Variants in MCM7 observed in about 807,000 individuals in gnomAD.
The protein encoded by MCM7 is minichromosome maintenance complex component 7, also known as DNA replication licensing factor MCM7.
MCM7 carries 95 observed loss-of-function variants against 83.5 expected under a neutral mutation model. The ratio of observed to expected loss-of-function variants is 1.14; its 90% CI spans 0.96 to 1.35. The LOEUF is 1.35. Ranked by LOEUF, MCM7 falls within the 40% of genes most tolerant of loss-of-function variation. The pLI, the probability that MCM7 is intolerant of heterozygous loss-of-function variation, is 0.00. For synonymous variants in MCM7, 461 were observed against 352.7 expected (o/e 1.31, Z -3.44); for missense variants, 1,087 against 957.4 (o/e 1.14, Z -1.79).
At chr7:100,098,370 G>C in intron 6 of MCM7, 80 bp from the exon 7 acceptor site, 1 of 1,547,284 alleles carries the variant, frequency 6.5e-7, no homozygotes, top group Admixed American at 1.8e-5. Context: ...CCACTCAAAG[G>C]CTCCCAGGCT....
chr7:100,099,982 T>C, intron 2 of MCM7, 32 bp downstream of exon 2: 2 of 1,589,562 alleles, frequency 1.3e-6, no homozygotes, highest in South Asian at 1.1e-5. Flanking sequence ...AGCACCCCGC[T>C]CCCCATTCCC....
rs746298692 is a variant in MCM7, at chr7:100,094,234, T to G, written c.1787A>C (p.Lys596Thr). Reference protein sequence around the residue: ...VEMRREAWASKDATYTSARTL... With the variant: ...VEMRREAWASTDATYTSARTL... Reference sequence around the variant, plus strand: ...CCGGGCAGAAGTATAGGTGGCATCCTTACTAGCCCAAGCCTCTCGCCTCAT... The same window carrying G: ...CCGGGCAGAAGTATAGGTGGCATCCGTACTAGCCCAAGCCTCTCGCCTCAT... Residue 596 changes from lysine (K) to threonine (T), a missense_variant, in exon 13 of 15, where the codon AAG (lysine) becomes ACG (threonine). Coordinates refer to ENST00000303887, the MANE Select transcript of MCM7 (RefSeq NM_005916.5). 1 of 1,614,216 alleles carries G rather than the reference T, an allele frequency of 6.2e-7. No homozygotes were observed. The highest frequency in any genetic ancestry group is 2.2e-5 in the East Asian group (1 of 44,890).
rs777934042 is a variant in MCM7, at chr7:100,099,632, G to A, written c.233C>T (p.Ala78Val). The change falls in exon 3 of 15, where the codon GCT (alanine) becomes GTT (valine). Residue 78 changes from alanine to valine, a missense_variant. Ala to Val is a moderately conservative substitution (Grantham distance 64). Transcript: ENST00000303887. ...ENARRYAKLF[A>V]DAVQELLPQY... ...AGGCAGCAGCTCTTGTACGGCATCA[G>A]CAAAGAGCTTCGCGTAGCGCCTGGC... is the stretch of plus-strand genomic sequence containing the variant. 2 of 1,614,118 alleles carry A rather than the reference G, an allele frequency of 1.2e-6. No individual in the cohort carries two copies. Among genetic ancestry groups the A allele is most frequent in the Non-Finnish European group, 1.7e-6 (2 of 1,180,054 alleles).
At chr7:100,098,835 G>A (rs1795781032) in intron 5 of MCM7, 120 bp from the exon 6 acceptor site, 3 of 1,424,192 alleles carry the variant, frequency 2.1e-6, no homozygotes, top group Admixed American at 2.1e-5. Flanking sequence ...AGAACCCTCT[G>A]AACTTACTCT....
rs780006119 is a variant in MCM7 at position 100,095,369 on chromosome 7, C to G, written c.1679+18G>C. 2 of 1,607,128 alleles carry G rather than the reference C, an allele frequency of 1.2e-6. No homozygotes were observed. The highest frequency in any genetic ancestry group is 1.7e-6 in the Non-Finnish European group (2 of 1,177,188). On this transcript the variant is annotated intron_variant, in intron 12 of 14. Coordinates refer to ENST00000303887, the MANE Select transcript of MCM7 (RefSeq NM_005916.5). ...CGGCCCACGCCAACGTTTGCCCACCCGCACCCAGCTCTCCTACCTCATGAG... is the reference window on the plus strand; with the variant it reads ...CGGCCCACGCCAACGTTTGCCCACCGGCACCCAGCTCTCCTACCTCATGAG...
intron 2 of MCM7, 41 bp from the exon 3 acceptor site, chr7:100,099,794 C>G (rs1795852504): frequency 3.1e-6 from 5 of 1,607,930 alleles, no homozygotes; most frequent in Non-Finnish European, 2.5e-6. Context: ...GAGCCACATT[C>G]ACTTTGCTCA....
rs1795381529 is a variant in MCM7 at position 100,092,784 on chromosome 7, A to G, written c.*148T>C. 1 of 807,860 alleles carries G rather than the reference A, an allele frequency of 1.2e-6. No homozygotes were observed. Among genetic ancestry groups the G allele is most frequent in the Non-Finnish European group, 2.0e-6 (1 of 510,522 alleles). 50.0% of individuals were successfully genotyped at this position (807,860 alleles called of 1,614,324 possible). A position where few individuals can be genotyped will look rare whatever the true frequency, so the allele number is the denominator to read the frequency against. ...AGTCAGGCCCAGGCTAGAAGATGAC[A>G]ATCTACAAACACTTTTATTAGCAAA... On this transcript the variant is annotated 3_prime_UTR_variant, in exon 15 of 15. Coordinates refer to ENST00000303887, the MANE Select transcript of MCM7 (RefSeq NM_005916.5).
At position 100,095,481 on chromosome 7, in the gene MCM7, G is replaced by A. The variant is rs374609144; in HGVS notation, c.1596-11C>T. The A allele has an allele frequency of 3.1e-6, 5 of 1,613,346 alleles. No individual in the cohort carries two copies. In the African/African-American group the frequency reaches 4.0e-5, roughly 13 times the overall value. The stretch of plus-strand genomic sequence containing the variant: ...ATGTGCTGGGCCAACCTGGACAGAG[G>A]GAAGGTTAGAAGGAACACCCTTTTT... On this transcript the variant is annotated splice_polypyrimidine_tract_variant and intron_variant, in intron 11 of 14. Transcript: ENST00000303887.
rs2116555710 is a variant in MCM7, at chr7:100,094,183, G to A, written c.1838C>T (p.Ser613Phe). Reference sequence around the variant, plus strand: ...AATTTGGGCACTTACCAGAGCAGTGGAAAGGCGCAGGATAGCCAGCAGGGT... The same window carrying A: ...AATTTGGGCACTTACCAGAGCAGTGAAAAGGCGCAGGATAGCCAGCAGGGT... Reference protein sequence around the residue: ...ARTLLAILRLSTALARLRMVD... With the variant: ...ARTLLAILRLFTALARLRMVD... Residue 613 changes from serine (S) to phenylalanine (F), a missense_variant, in exon 13 of 15, where the codon TCC (serine) becomes TTC (phenylalanine). Ser to Phe is a radical substitution (Grantham distance 155). Transcript: ENST00000303887. 1 of 1,614,208 alleles carries A rather than the reference G, an allele frequency of 6.2e-7. No homozygotes were observed. Among genetic ancestry groups the A allele is most frequent in the Non-Finnish European group, 8.5e-7 (1 of 1,180,028 alleles).
chr7:100,095,089 G>C (rs892128338), intron 12 of MCM7, among the ~76,000 whole-genome samples: 1 of 152,186 alleles, frequency 6.6e-6, no homozygotes, highest in Non-Finnish European at 1.5e-5. Context: ...TGAGGCAGGA[G>C]AATCGCTTGA....
chr7:100,093,235 G>C lies in MCM7; in HGVS notation c.1958+57C>G. On this transcript the variant is annotated intron_variant, in intron 14 of 14. Transcript: ENST00000303887. Reference sequence around the variant, plus strand: ...AGTGTTAGAATTGAGGCCAACCTCAGACACATGGCCACAGAAGACAAAGTG... The same window carrying C: ...AGTGTTAGAATTGAGGCCAACCTCACACACATGGCCACAGAAGACAAAGTG... 3.1e-6 allele frequency: 5 copies of C among 1,590,480 alleles called. No individual in the cohort carries two copies. In the South Asian group the frequency reaches 5.5e-5, roughly 18 times the overall value.
rs1183769095 is a variant in MCM7, at chr7:100,101,383, C to G, written c.-89G>C. ...GAATCTCCGCGCGGTGGACTGTGGC[C>G]GGCCAACCGAAATTGGCGCGAAACG... On this transcript the variant is annotated 5_prime_UTR_variant, in exon 1 of 15. Transcript: ENST00000303887. 1.3e-5 allele frequency: 21 copies of G among 1,571,820 alleles called. 2 individuals carry two copies. In the Middle Eastern group the frequency reaches 1.3e-3, roughly 100 times the overall value.
chr7:100,093,672 G>A (rs756808891), intron 13 of MCM7: 1 of 719,104 alleles, frequency 1.4e-6, no homozygotes, highest in African/African-American at 1.7e-5. Context: ...TCCTGTGAGG[G>A]AGACCAGACC....
chr7:100,093,455 G>A, intron 13 of MCM7, 54 bp from the exon 14 acceptor site: 2 of 1,512,290 alleles, frequency 1.3e-6, no homozygotes, highest in Non-Finnish European at 1.8e-6. Context: ...AGTGGAACGA[G>A]GTCAGGGGAC....
rs1272200166 is a variant in MCM7 at position 100,095,852 on chromosome 7, T to C, written c.1517A>G (p.Gln506Arg). The C allele has an allele frequency of 6.2e-7, 1 of 1,612,654 alleles. No homozygotes were observed. Among genetic ancestry groups the C allele is most frequent in the Non-Finnish European group, 8.5e-7 (1 of 1,179,846 alleles). The change falls in exon 11 of 15, where the codon CAG becomes CGG. Residue 506 changes from glutamine to arginine, a missense_variant. Coordinates refer to ENST00000303887, the MANE Select transcript of MCM7 (RefSeq NM_005916.5). The stretch of plus-strand genomic sequence containing the variant: ...CCGGGAGAGCAGTGCAGCAGGTAGC[T>C]GTATGTTCTGCTCCAGGCTGCGGCG... ...NPRRSLEQNIQLPAALLSRFD... is the reference protein window; with the variant it reads ...NPRRSLEQNIRLPAALLSRFD...
At chr7:100,099,933 T>G in intron 2 of MCM7, 81 bp downstream of exon 2, 1 of 1,468,846 alleles carries the variant, frequency 6.8e-7, no homozygotes, top group East Asian at 2.3e-5. Context: ...TTGTTATGTC[T>G]TTAATAAAAC....
chr7:100,093,427 T>TGGGAACGGGAGGA, intron 13 of MCM7, 26 bp from the exon 14 acceptor site: 1 of 1,605,062 alleles, frequency 6.2e-7, no homozygotes, highest in Non-Finnish European at 8.5e-7. Flanking sequence ...GGGGGAAAGA[T>TGGGAACGGGAGGA]GGGAACGGGA....
rs369472513 is a variant in MCM7, at chr7:100,101,270, C to G, written c.25G>C (p.Glu9Gln). The part of the protein sequence containing the change: MALKDYAL[E>Q]KEKVKKFLQE... ...CGGGCTCGTAGACCCGTACCCTTCT[C>G]TAGCGCGTAGTCCTTCAGTGCCATC... is the stretch of plus-strand genomic sequence containing the variant. The change falls in exon 1 of 15, where the codon GAG (glutamate) becomes CAG (glutamine). Residue 9 changes from glutamate (E) to glutamine (Q), a missense_variant. Physicochemically the swap from Glu to Gln is conservative, Grantham distance 29 (BLOSUM62 2). Coordinates refer to ENST00000303887, the MANE Select transcript of MCM7 (RefSeq NM_005916.5). The G allele has an allele frequency of 2.5e-6, 4 of 1,613,170 alleles. No homozygotes were observed. The highest frequency in any genetic ancestry group is 1.1e-5 in the South Asian group (1 of 91,090).
At chr7:100,093,220 T>C (rs1426175204) in intron 14 of MCM7, 72 bp downstream of exon 14, 1 of 1,593,574 alleles carries the variant, frequency 6.3e-7, no homozygotes, top group Non-Finnish European at 8.6e-7. Flanking sequence ...AGTGTTAGAA[T>C]TGAGGCCAAC....
Sources: allele counts gnomAD v4.1 joint callset (sites outside exome capture counted in the v4.1 genomes callset), GRCh38; gene constraint gnomAD v4.1.1; transcripts MANE v1.5; gene names NCBI Gene and HGNC (gene_info 2026-07-23, HGNC 2026-07-21).